RUBCN: variants seen among roughly 807,000 people sequenced by gnomAD.
RUBCN encodes rubicon autophagy regulator, also known as run domain Beclin-1-interacting and cysteine-rich domain-containing protein.
A neutral mutation model predicts 113.2 loss-of-function variants in RUBCN; 74 were observed. The ratio of observed to expected loss-of-function variants is 0.65; its 90% confidence interval spans 0.54 to 0.79. The LOEUF (loss-of-function observed/expected upper bound fraction) is 0.79. Ranked by LOEUF, RUBCN falls within the 30% of genes least tolerant of loss-of-function variation. The probability of loss-of-function intolerance (pLI) is 0.00; values close to 1 mark genes in which losing one functional copy is unlikely to be tolerated. For synonymous variants in RUBCN, 480 were observed against 490.0 expected, an observed-to-expected ratio of 0.98 and a Z score of 0.27; for missense variants, 1,109 against 1,251.7, an observed-to-expected ratio of 0.89 and a Z score of 1.72.
chr3:197,738,368 G>C (rs555487054), upstream of RUBCN, among the ~76,000 whole-genome samples: 3 of 152,192 alleles, frequency 2.0e-5, no homozygotes, highest in East Asian at 3.9e-4. Flanking sequence ...AAAAACTAAT[G>C]ACTCTATATT....
At chr3:197,690,981 G>T in intron 11 of RUBCN, 2 of 659,388 alleles carry the variant, frequency 3.0e-6, no homozygotes, top group Non-Finnish European at 4.8e-6. Context: ...TCGTAACCTT[G>T]ACAGTTATCA....
intron 2 of RUBCN, among the ~76,000 whole-genome samples, chr3:197,709,443 C>T (rs886714174): frequency 3.9e-5 from 6 of 152,108 alleles, no homozygotes; most frequent in Non-Finnish European, 7.3e-5. Flanking sequence ...TGCAATGGCG[C>T]GATCTCGGCT....
chr3:197,701,256 C>A, intron 6 of RUBCN, 110 bp from the exon 7 acceptor site: 1 of 957,286 alleles, frequency 1.0e-6, no homozygotes, highest in Non-Finnish European at 1.5e-6. Flanking sequence ...AAACGGCAAG[C>A]CAAATAAAGT....
chr3:197,698,304 C>G (rs761841025), intron 7 of RUBCN, among the ~76,000 whole-genome samples: 5 of 152,176 alleles, frequency 3.3e-5, no homozygotes, highest in Non-Finnish European at 5.9e-5. Flanking sequence ...GCTAACATAC[C>G]CAATGGCCTC....
intron 2 of RUBCN, among the ~76,000 whole-genome samples, chr3:197,709,631 C>T (rs1386842118): frequency 1.3e-5 from 2 of 152,010 alleles, no homozygotes; most frequent in African/African-American, 2.4e-5. Context: ...CCGCCTGCCT[C>T]GGCCTCCCAA....
In RUBCN at chr3:197,673,039, ACTC is replaced by A. The variant is rs1719949160; in HGVS notation, c.*1976_*1978del. 2 of 151,816 alleles carry A rather than the reference ACTC, an allele frequency of 1.3e-5. No individual in the cohort carries two copies. The highest frequency in any genetic ancestry group is 4.8e-5 in the African/African-American group (2 of 41,248). 9.4% of individuals were successfully genotyped at this position (151,816 alleles called of 1,614,324 possible). A position where few individuals can be genotyped will look rare whatever the true frequency, so the allele number is the denominator to read the frequency against. On this transcript the variant is annotated 3_prime_UTR_variant, in exon 20 of 20. Transcript: ENST00000296343. ...CTGGAAGTAGAGCTCATTTTTATAA[ACTC>A]CTGGGTCTGAATCTGGGACCTAACC... is the stretch of plus-strand genomic sequence containing the variant.
At chr3:197,731,054 C>G (rs946328169) in intron 1 of RUBCN, among the ~76,000 whole-genome samples, 13 of 151,786 alleles carry the variant, frequency 8.6e-5, no homozygotes, top group South Asian at 4.2e-4. Context: ...GGGGATTTGG[C>G]AGGGTCACAG....
intron 7 of RUBCN, chr3:197,699,353 C>T (rs915062717): frequency 2.9e-6 from 2 of 680,482 alleles, no homozygotes; most frequent in Admixed American, 4.9e-5. Context: ...AAGAGGAAAC[C>T]CCAGTTGTGA....
In RUBCN at chr3:197,705,114, T is replaced by TGGGGACTGAGC. The variant is rs1392983153; in HGVS notation, c.270_280dup (p.His94ArgfsTer71). On this transcript the variant is annotated frameshift_variant, in exon 3 of 20. Transcript: ENST00000296343. LOFTEE classifies it high-confidence loss of function. ...TACCTTCTCCACGTGAAGGGCTGAG[T>TGGGGACTGAGC]GGGGACTGAGCCACCGGATGTCTTT... The TGGGGACTGAGC allele has an allele frequency of 6.2e-7, 1 of 1,613,942 alleles. No homozygotes were observed. Among genetic ancestry groups the TGGGGACTGAGC allele is most frequent in the East Asian group, 2.2e-5 (1 of 44,902 alleles).
At chr3:197,682,025 T>C in intron 14 of RUBCN, 126 bp from the exon 15 acceptor site, 1 of 778,482 alleles carries the variant, frequency 1.3e-6, no homozygotes, top group South Asian at 1.4e-5. Flanking sequence ...TTCACCTACA[T>C]TTTAGTTGGA....
intron 6 of RUBCN, 141 bp downstream of exon 6, chr3:197,701,567 A>G (rs1244943630): frequency 1.4e-6 from 1 of 723,440 alleles, no homozygotes; most frequent in East Asian, 2.7e-5. Context: ...GCTAGTCACT[A>G]TATAACTTGT....
chr3:197,734,467 C>T (rs1056380562), intron 1 of RUBCN, among the ~76,000 whole-genome samples: 1 of 151,634 alleles, frequency 6.6e-6, no homozygotes, highest in Non-Finnish European at 1.5e-5. Flanking sequence ...GAATCCAGTT[C>T]TGCCAGGGAT....
intron 9 of RUBCN, among the ~76,000 whole-genome samples, chr3:197,695,196 A>G (rs1245075600): frequency 3.8e-5 from 5 of 130,742 alleles, no homozygotes; most frequent in African/African-American, 1.5e-4. Context: ...GGAGTTCAAG[A>G]CCCCAGACGC....
chr3:197,745,693 T>C (rs1172763065), intron 1 of RUBCN, among the ~76,000 whole-genome samples: 1 of 151,362 alleles, frequency 6.6e-6, no homozygotes, highest in Non-Finnish European at 1.5e-5. Context: ...TGAAGAAACA[T>C]AGATTTCTGT....
At chr3:197,701,966 T>C (rs983908296) in intron 5 of RUBCN, 102 bp from the exon 6 acceptor site, 1 of 1,071,862 alleles carries the variant, frequency 9.3e-7, no homozygotes, top group African/African-American at 1.6e-5. Context: ...AAGCTACCTT[T>C]GCAGTAGGCC....
In RUBCN at chr3:197,692,077, C is replaced by A. The variant is rs931089145; in HGVS notation, c.1786+1638G>T. Among the ~76,000 whole-genome samples the A allele has an allele frequency of 1.8e-4, 27 of 152,164 alleles. 1 individual carries two copies. The highest frequency in any genetic ancestry group is 6.3e-4 in the African/African-American group (26 of 41,530). On this transcript the variant is annotated intron_variant, in intron 11 of 19. Coordinates refer to ENST00000296343, the MANE Select transcript of RUBCN (RefSeq NM_014687.4). ...AATTGGGGGCTATCGAAAGAACCAA[C>A]CACGTCATTAGAGGGTTAGAGCTTT...
In RUBCN at chr3:197,670,436, C is replaced by CT. The variant is rs1351262631; in HGVS notation, c.*4581dup. The stretch of plus-strand genomic sequence containing the variant: ...GTGAATCAATGGTCCTTGTTTTCCT[C>CT]TTCAACAGTCTTTCCAATTTTGGAA... On this transcript the variant is annotated 3_prime_UTR_variant, in exon 20 of 20. Transcript: ENST00000296343. 2.6e-5 allele frequency among the ~76,000 whole-genome samples: 4 copies of CT among 152,212 alleles called. No homozygotes were observed. Among genetic ancestry groups the CT allele is most frequent in the Non-Finnish European group, 5.9e-5 (4 of 68,036 alleles).
Position 197,681,499 on chromosome 3 carries a change from C to A in RUBCN, c.2192-132G>T. 1.4e-6 allele frequency: 1 copy of A among 734,072 alleles called. No individual in the cohort carries two copies. Among genetic ancestry groups the A allele is most frequent in the East Asian group, 2.7e-5 (1 of 37,606 alleles). 45.5% of individuals were successfully genotyped at this position (734,072 alleles called of 1,614,324 possible). ...CTCCAGCAACCTCTGTCTGAGTTCC[C>A]CAAAGCTTGCAGAAATCCACATAGT... On this transcript the variant is annotated intron_variant, in intron 15 of 19. Coordinates refer to ENST00000296343, the MANE Select transcript of RUBCN (RefSeq NM_014687.4). This position sits in a 1 kb window ranked among gnomAD's most constrained non-coding sequence, Gnocchi z 5.5.
At chr3:197,704,907 G>A (rs74931272) in intron 3 of RUBCN, among the ~76,000 whole-genome samples, 185 bp downstream of exon 3, 17,065 of 151,918 alleles carry the variant, frequency 0.11, 1,177 homozygotes, top group African/African-American at 0.18. Flanking sequence ...GGACCAATGG[G>A]TTTGCATGTT....
Sources: gnomAD v4.1 joint callset for allele counts (sites outside exome capture counted in the v4.1 genomes callset) on GRCh38, gnomAD v4.1.1 for gene constraint, Gnocchi (gnomAD v3.1) non-coding constraint, MANE v1.5 for transcripts, NCBI Gene and HGNC (gene_info 2026-07-23, HGNC 2026-07-21) for gene names.